LRMDA: variants seen among roughly 807,000 people sequenced by gnomAD.
The protein encoded by LRMDA is leucine-rich melanocyte differentiation-associated protein.
A neutral mutation model predicts 29.8 loss-of-function variants in LRMDA; 18 were observed. The ratio of observed to expected loss-of-function variants is 0.60; its 90% CI spans 0.42 to 0.90. The LOEUF (loss-of-function observed/expected upper bound fraction) is 0.90, where lower values mean the gene tolerates loss of function less well. LRMDA is among the 40% of genes least tolerant of loss of function. The pLI is 0.00. For synonymous variants in LRMDA, 125 were observed against 109.4 expected (o/e 1.14, Z -0.89); for missense variants, 273 against 273.9 (o/e 1.00, Z 0.02).
chr10:76,502,943 G>A (rs1842925487), intron 6 of LRMDA, among the ~76,000 whole-genome samples: 1 of 151,686 alleles, frequency 6.6e-6, no homozygotes, highest in Non-Finnish European at 1.5e-5. Flanking sequence ...ATAGGAGTGG[G>A]GAGAGTGGAC....
intron 2 of LRMDA, among the ~76,000 whole-genome samples, chr10:75,636,840 A>G (rs534809131): frequency 2.0e-5 from 3 of 152,168 alleles, no homozygotes; most frequent in African/African-American, 7.2e-5. Flanking sequence ...CAGAATTGGC[A>G]AAGACTTTTT....
intron 2 of LRMDA, among the ~76,000 whole-genome samples, chr10:75,746,192 T>A (rs1842888298): frequency 6.6e-6 from 1 of 152,224 alleles, no homozygotes; most frequent in African/African-American, 2.4e-5. Flanking sequence ...CCATGTTTTA[T>A]ATAGTGTAAA....
chr10:76,062,604 A>G (rs572378211), intron 5 of LRMDA, among the ~76,000 whole-genome samples: 67 of 150,814 alleles, frequency 4.4e-4, no homozygotes, highest in Non-Finnish European at 8.4e-4. Flanking sequence ...GCTGTCATTC[A>G]TTAGGAAGTG....
At chr10:76,418,908 A>G (rs1842046073) in intron 6 of LRMDA, among the ~76,000 whole-genome samples, 1 of 152,012 alleles carries the variant, frequency 6.6e-6, no homozygotes, top group African/African-American at 2.4e-5. Flanking sequence ...TACATTGATC[A>G]TTTTTTAAAA....
intron 2 of LRMDA, among the ~76,000 whole-genome samples, chr10:75,568,718 CT>C (rs2132068480): frequency 6.6e-6 from 1 of 152,328 alleles, no homozygotes; most frequent in East Asian, 1.9e-4. Context: ...AGCTGGGTTT[CT>C]CCCAGCCTTT....
chr10:75,969,037 A>G (rs1002278231), intron 2 of LRMDA, among the ~76,000 whole-genome samples: 20 of 152,214 alleles, frequency 1.3e-4, no homozygotes, highest in African/African-American at 4.3e-4. Flanking sequence ...CCAGGCCTTT[A>G]AAGACCAATG....
intron 6 of LRMDA, among the ~76,000 whole-genome samples, chr10:76,354,085 T>C (rs1470746805): frequency 2.0e-5 from 3 of 152,126 alleles, no homozygotes; most frequent in African/African-American, 7.2e-5. Context: ...CCAATGCAAA[T>C]TAAGGCTTGG....
chr10:76,012,615 C>T lies in LRMDA; in HGVS notation c.132-23393C>T, dbSNP rs576833842. Among the ~76,000 whole-genome samples the T allele has an allele frequency of 2.6e-5, 4 of 152,244 alleles. No homozygotes were observed. The South Asian group carries it at 6.2e-4, about 24-fold the overall frequency. On this transcript the variant is annotated intron_variant, in intron 2 of 6. Coordinates refer to ENST00000611255, the MANE Select transcript of LRMDA (RefSeq NM_001305581.2). ...ACAATTATAAAGCATAGGAACAAAGCGGGCTGGGATGTAAGTTGTGCAACT... is the reference window on the plus strand; with the variant it reads ...ACAATTATAAAGCATAGGAACAAAGTGGGCTGGGATGTAAGTTGTGCAACT...
rs1299082594 is a variant in LRMDA, at chr10:75,750,643, G to T, written c.132-285365G>T. Among the ~76,000 whole-genome samples, 8 of 147,426 alleles carry T rather than the reference G, an allele frequency of 5.4e-5. No homozygotes were observed. The South Asian group carries it at 1.1e-3, about 21-fold the overall frequency. On this transcript the variant is annotated intron_variant, in intron 2 of 6. Transcript: ENST00000611255. ...GCGCTCCTCACATCCCAGATGATGG[G>T]CAGCCGGGCAGAGATGCTCCTCACT... is the stretch of plus-strand genomic sequence containing the variant.
intron 2 of LRMDA, among the ~76,000 whole-genome samples, chr10:75,761,105 T>C (rs547884653): frequency 3.3e-5 from 5 of 152,342 alleles, no homozygotes; most frequent in Non-Finnish European, 7.4e-5. Context: ...AATGTTCAAA[T>C]AGTTTTTAAA....
intron 2 of LRMDA, among the ~76,000 whole-genome samples, chr10:75,741,806 A>G (rs1385743382): frequency 1.3e-5 from 2 of 152,134 alleles, no homozygotes; most frequent in Non-Finnish European, 2.9e-5. Flanking sequence ...CTATTTGTTT[A>G]TGTCCCCCAA....
chr10:75,540,139 G>T (rs986436437), intron 2 of LRMDA, among the ~76,000 whole-genome samples: 1 of 152,186 alleles, frequency 6.6e-6, no homozygotes, highest in Admixed American at 6.5e-5. Flanking sequence ...GGAGTAAAGG[G>T]TTAGGTGCCT....
At chr10:76,544,196 G>A (rs964243099) in intron 6 of LRMDA, among the ~76,000 whole-genome samples, 2 of 152,098 alleles carry the variant, frequency 1.3e-5, no homozygotes, top group Non-Finnish European at 2.9e-5. Flanking sequence ...TTGTGTTGCC[G>A]AATGTGGCTT....
At chr10:75,586,625 G>A (rs1840659371) in intron 2 of LRMDA, among the ~76,000 whole-genome samples, 1 of 151,958 alleles carries the variant, frequency 6.6e-6, no homozygotes, top group Non-Finnish European at 1.5e-5. Flanking sequence ...CAGACATGAG[G>A]CACTGTGTCT....
chr10:75,823,995 G>A (rs1844209356), intron 2 of LRMDA, among the ~76,000 whole-genome samples: 1 of 152,050 alleles, frequency 6.6e-6, no homozygotes, highest in South Asian at 2.1e-4. Context: ...TCATATGGTA[G>A]GAGGATTTCG....
At chr10:75,841,006 A>C (rs749425095) in intron 2 of LRMDA, among the ~76,000 whole-genome samples, 4 of 152,210 alleles carry the variant, frequency 2.6e-5, no homozygotes, top group Non-Finnish European at 5.9e-5. Flanking sequence ...ATCTGAGTTA[A>C]AATTGCCAAC....
At chr10:76,320,882 G>A (rs1840762668) in intron 5 of LRMDA, among the ~76,000 whole-genome samples, 1 of 152,068 alleles carries the variant, frequency 6.6e-6, no homozygotes, top group Non-Finnish European at 1.5e-5. Flanking sequence ...ATAATTTTTA[G>A]GTGTTTCCCT....
chr10:76,256,287 T>G (rs2132303257), intron 5 of LRMDA, among the ~76,000 whole-genome samples: 1 of 152,342 alleles, frequency 6.6e-6, no homozygotes, highest in Non-Finnish European at 1.5e-5. Flanking sequence ...CCATCAATGG[T>G]CTTCATTTCT....
chr10:76,518,143 A>G (rs1843080499), intron 6 of LRMDA, among the ~76,000 whole-genome samples: 1 of 151,950 alleles, frequency 6.6e-6, no homozygotes, highest in Admixed American at 6.6e-5. Context: ...ATCCTTTAAA[A>G]TATATGTATG....
Sources: gnomAD v4.1 joint callset for allele counts (sites outside exome capture counted in the v4.1 genomes callset) on GRCh38, gnomAD v4.1.1 for gene constraint, MANE v1.5 for transcripts, NCBI Gene and HGNC (gene_info 2026-07-23, HGNC 2026-07-21) for gene names.